The following DNAH10 variants were observed in gnomAD, a reference collection of about 807,000 sequenced individuals.
DNAH10 encodes the protein dynein axonemal heavy chain 10.
DNAH10 carries 348 observed loss-of-function variants against 506.6 expected under a neutral mutation model. That is an observed-to-expected ratio of 0.69 (90% confidence interval 0.63 to 0.75). The LOEUF (loss-of-function observed/expected upper bound fraction) is 0.75. Ranked by LOEUF, DNAH10 falls within the 30% of genes least tolerant of loss-of-function variation. DNAH10 has a pLI of 0.00. For synonymous variants in DNAH10, 2,059 were observed against 2,198.6 expected (o/e 0.94, Z 1.78); for missense variants, 5,179 against 5,787.1 (o/e 0.89, Z 3.41).
intron 72 of DNAH10, 52 bp from the exon 73 acceptor site, chr12:123,930,350 G>A (rs533472723): frequency 2.9e-4 from 424 of 1,444,412 alleles, no homozygotes; most frequent in Non-Finnish European, 3.6e-4. Flanking sequence ...CCCCCAGGGT[G>A]CACACAGTAG....
At chr12:123,880,479 A>G (rs955783520) in intron 50 of DNAH10, among the ~76,000 whole-genome samples, 2 of 151,938 alleles carry the variant, frequency 1.3e-5, no homozygotes, top group Non-Finnish European at 2.9e-5. Context: ...AGCCGGGACT[A>G]TGGGCACACA....
In DNAH10 at chr12:123,848,726, C is replaced by T. The variant is rs536036135; in HGVS notation, c.5950-4C>T. The T allele has an allele frequency of 5.6e-6, 9 of 1,613,786 alleles. No homozygotes were observed. Among genetic ancestry groups the T allele is most frequent in the Admixed American group, 1.7e-5 (1 of 59,990 alleles). ...CCCTTGTCCTGACATGTCTTTCTTC[C>T]TAGGCCGTGGGGAAGATTTTCTCTG... On this transcript the variant is annotated splice_region_variant and splice_polypyrimidine_tract_variant and intron_variant, in intron 33 of 78. Coordinates refer to ENST00000673944, the MANE Select transcript of DNAH10 (RefSeq NM_001372106.1).
rs771147329 is a variant in DNAH10, at chr12:123,926,696, C to T, written c.11981C>T (p.Ser3994Leu). Residue 3994 changes from serine to leucine, a missense_variant, in exon 69 of 79, where the codon TCG becomes TTG. By Grantham distance (145) the Ser-to-Leu change is moderately radical. Coordinates refer to ENST00000673944, the MANE Select transcript of DNAH10 (RefSeq NM_001372106.1). This position sits in a 1 kb window ranked among gnomAD's most constrained non-coding sequence, Gnocchi z 4.1. Reference protein sequence around the residue: ...EAIFEQSTPHSPIVFILSPGS... With the variant: ...EAIFEQSTPHLPIVFILSPGS... The stretch of plus-strand genomic sequence containing the variant: ...ATTTTTGAGCAGAGCACTCCACATT[C>T]GCCCATTGTGTTTATCCTGAGTCCT... The T allele has an allele frequency of 1.9e-6, 3 of 1,614,000 alleles. No individual in the cohort carries two copies. The highest frequency in any genetic ancestry group is 1.1e-5 in the South Asian group (1 of 91,082).
rs1442183219 is a variant in DNAH10, at chr12:123,813,768, C to G, written c.3636C>G (p.Asn1212Lys). The stretch of plus-strand genomic sequence containing the variant: ...TTCTGTTATAGCACCTGGCCAAAAA[C>G]CTTAGGAAGATCCCCAATACCCTTG... ...LHEEMEHLAKNLRKIPNTLED... is the reference protein window; with the variant it reads ...LHEEMEHLAKKLRKIPNTLED... The change falls in exon 21 of 79, where the codon AAC (asparagine) becomes AAG (lysine). Residue 1212 changes from asparagine to lysine, a missense_variant. This residue lies in a region of DNAH10 where 4,844 missense variants were observed against 5,430.5 expected (regional missense o/e 0.89). Transcript: ENST00000673944. 3 of 1,613,408 alleles carry G rather than the reference C, an allele frequency of 1.9e-6. No individual in the cohort carries two copies. Among genetic ancestry groups the G allele is most frequent in the Non-Finnish European group, 2.5e-6 (3 of 1,179,910 alleles).
chr12:123,841,884 C>A (rs1203494480), intron 30 of DNAH10, among the ~76,000 whole-genome samples: 1 of 152,194 alleles, frequency 6.6e-6, no homozygotes, highest in African/African-American at 2.4e-5. Context: ...GGGAGTCTCA[C>A]TGTGTTGCCC....
At chr12:123,899,262 A>G (rs1285175385) in intron 56 of DNAH10, among the ~76,000 whole-genome samples, 2 of 151,998 alleles carry the variant, frequency 1.3e-5, no homozygotes, top group Non-Finnish European at 2.9e-5. Flanking sequence ...TGTCACCTGC[A>G]CTGTCCTGCT....
At position 123,861,022 on chromosome 12, in the gene DNAH10, A is replaced by G. The variant is rs368473435; in HGVS notation, c.6760A>G (p.Thr2254Ala). ...LCQAQTKLGLTTKLYILNPKA... is the reference protein window; with the variant it reads ...LCQAQTKLGLATKLYILNPKA... ...CCTCTCTTGATTTAGGCTTGGGCTG[A>G]CGACAAAGTTGTACATCCTGAACCC... is the stretch of plus-strand genomic sequence containing the variant. Residue 2254 changes from threonine (T) to alanine (A), a missense_variant, in exon 39 of 79, where the codon ACG becomes GCG. Thr to Ala is a moderately conservative substitution (Grantham distance 58). Transcript: ENST00000673944. The G allele has an allele frequency of 1.2e-6, 2 of 1,613,878 alleles. No individual in the cohort carries two copies. Among genetic ancestry groups the G allele is most frequent in the African/African-American group, 2.7e-5 (2 of 74,918 alleles).
chr12:123,788,063 T>C, intron 10 of DNAH10, 61 bp downstream of exon 10: 1 of 1,537,294 alleles, frequency 6.5e-7, no homozygotes, highest in Non-Finnish European at 8.8e-7. Context: ...CTTTTGACAG[T>C]GGCCCCCTCC....
chr12:123,845,592 T>C lies in DNAH10; in HGVS notation c.5361-8T>C, dbSNP rs1308332740. The C allele has an allele frequency of 6.2e-7, 1 of 1,611,938 alleles. No individual in the cohort carries two copies. Among genetic ancestry groups the C allele is most frequent in the Admixed American group, 1.7e-5 (1 of 60,014 alleles). On this transcript the variant is annotated splice_region_variant and splice_polypyrimidine_tract_variant and intron_variant, in intron 30 of 78. Coordinates refer to ENST00000673944, the MANE Select transcript of DNAH10 (RefSeq NM_001372106.1). Reference sequence around the variant, plus strand: ...TCAGAGCCTCTTACAGGTGTGCGTTTTCTGCAGAGTCGACTGGATGCTCCT... The same window carrying C: ...TCAGAGCCTCTTACAGGTGTGCGTTCTCTGCAGAGTCGACTGGATGCTCCT...
rs191297482 is a variant in DNAH10, at chr12:123,907,481, C to G, written c.9816-1780C>G. On this transcript the variant is annotated intron_variant, in intron 57 of 78. Transcript: ENST00000673944. This position sits in a 1 kb window ranked among gnomAD's most constrained non-coding sequence, Gnocchi z 4.4. The stretch of plus-strand genomic sequence containing the variant: ...CCACATTTCACACACCTTGGTCATC[C>G]GGCATTGTGGAAAGTGGTATGTTCT... Among the ~76,000 whole-genome samples the G allele has an allele frequency of 5.9e-5, 9 of 152,280 alleles. No homozygotes were observed. In the South Asian group the frequency reaches 1.9e-3, roughly 32 times the overall value.
chr12:123,845,996 T>C lies in DNAH10; in HGVS notation c.5656T>C (p.Trp1886Arg). The C allele has an allele frequency of 6.2e-7, 1 of 1,613,930 alleles. No homozygotes were observed. The highest frequency in any genetic ancestry group is 8.5e-7 in the Non-Finnish European group (1 of 1,179,878). ...TATCCTGGAGGCCCGAGAGTTTGACTGGGAAAGTCAGTTGCGGTTTTATTG... is the reference window on the plus strand; with the variant it reads ...TATCCTGGAGGCCCGAGAGTTTGACCGGGAAAGTCAGTTGCGGTTTTATTG... The part of the protein sequence containing the change: ...GSILEAREFD[W>R]ESQLRFYWDR... Residue 1886 changes from tryptophan (W) to arginine (R), a missense_variant, in exon 32 of 79, where the codon TGG (tryptophan) becomes CGG (arginine). Coordinates refer to ENST00000673944, the MANE Select transcript of DNAH10 (RefSeq NM_001372106.1).
Position 123,913,401 on chromosome 12 carries a change from A to C in DNAH10, c.10352+86A>C. 414 of 1,376,484 alleles carry C rather than the reference A, an allele frequency of 3.0e-4. No homozygotes were observed. The highest frequency in any genetic ancestry group is 3.7e-4 in the Non-Finnish European group (379 of 1,029,504). 85.3% of individuals were successfully genotyped at this position (1,376,484 alleles called of 1,614,324 possible). ...TCTCGCCATGTTGATTCTTTATCTC[A>C]CGTTGTGTTTTTATGTGAAAACCAT... On this transcript the variant is annotated intron_variant, in intron 60 of 78. Transcript: ENST00000673944. This position sits in a 1 kb window ranked among gnomAD's most constrained non-coding sequence, Gnocchi z 5.1.
chr12:123,855,047 T>C (rs781561540), intron 36 of DNAH10, among the ~76,000 whole-genome samples: 1 of 152,202 alleles, frequency 6.6e-6, no homozygotes, highest in Non-Finnish European at 1.5e-5. Flanking sequence ...ATGATGTCGT[T>C]ACAATTAAGC....
chr12:123,762,354 G>T lies in DNAH10; in HGVS notation c.18G>T (p.Val6=). 7.4e-7 allele frequency: 1 copy of T among 1,355,272 alleles called. No individual in the cohort carries two copies. Among genetic ancestry groups the T allele is most frequent in the Non-Finnish European group, 9.5e-7 (1 of 1,051,386 alleles). 84.0% of individuals were successfully genotyped at this position (1,355,272 alleles called of 1,614,324 possible). ...GCGGCGCCATGGACGACCTGCGGGT[G>T]CTGTGGATGCGCGACCGCGTGTATG... MDDLR[V]LWMRDRVYAA... is the part of the protein sequence containing the mutation. Residue 6 remains valine (V), a synonymous_variant, in exon 1 of 79, where the codon GTG becomes GTT. Transcript: ENST00000673944. The surrounding 1 kb of genome is among the most constrained non-coding windows in gnomAD (Gnocchi z 5.0).
Position 123,866,127 on chromosome 12 carries a change from G to C in DNAH10, c.7167+54G>C, listed in dbSNP as rs1951794859. 2.8e-6 allele frequency: 4 copies of C among 1,428,988 alleles called. No homozygotes were observed. The African/African-American group carries it at 4.3e-5, about 15-fold the overall frequency. 88.5% of individuals were successfully genotyped at this position (1,428,988 alleles called of 1,614,324 possible). A position where few individuals can be genotyped will look rare whatever the true frequency, so the allele number is the denominator to read the frequency against. ...ATTTATTAGTATTGATGGCTAGTTG[G>C]ATAACATAGTCCAGAGGGATGTTTG... is the stretch of plus-strand genomic sequence containing the variant. On this transcript the variant is annotated intron_variant, in intron 41 of 78. Transcript: ENST00000673944.
chr12:123,828,929 T>C (rs1424241200), intron 25 of DNAH10, among the ~76,000 whole-genome samples: 1 of 152,136 alleles, frequency 6.6e-6, no homozygotes, highest in Non-Finnish European at 1.5e-5. Context: ...AGGGAATCAC[T>C]CTCTCCCAGT....
Position 123,785,590 on chromosome 12 carries a change from G to A in DNAH10, c.1231-156G>A, listed in dbSNP as rs890561720. Among the ~76,000 whole-genome samples the A allele has an allele frequency of 1.4e-5, 2 of 146,806 alleles. No individual in the cohort carries two copies. Among genetic ancestry groups the A allele is most frequent in the South Asian group, 4.3e-4 (2 of 4,676 alleles). On this transcript the variant is annotated intron_variant, in intron 8 of 78. Coordinates refer to ENST00000673944, the MANE Select transcript of DNAH10 (RefSeq NM_001372106.1). The surrounding 1 kb of genome is among the most constrained non-coding windows in gnomAD (Gnocchi z 4.1). ...GGGAGTCGAGGCTGCAGTAAGCCAT[G>A]TTTGTGCCATTGCACTCCAGCCTGG...
chr12:123,878,098 G>C (rs117730239), intron 48 of DNAH10, among the ~76,000 whole-genome samples, 190 bp downstream of exon 48: 6,287 of 152,306 alleles, frequency 0.041, 172 homozygotes, highest in Non-Finnish European at 0.061. Context: ...CCTTTGCATT[G>C]AAACAGGCAA....
rs1230805628 is a variant in DNAH10, at chr12:123,902,544, G to C, written c.9641-395G>C. Among the ~76,000 whole-genome samples, 20 of 152,184 alleles carry C rather than the reference G, an allele frequency of 1.3e-4. No individual in the cohort carries two copies. Among genetic ancestry groups the C allele is most frequent in the Admixed American group, 8.5e-4 (13 of 15,286 alleles). ...TTAGAGGGTGGCTCTGGCTGGGCCC[G>C]AGTGAGCGTAGGAAGAGGCGATGAG... On this transcript the variant is annotated intron_variant, in intron 56 of 78. Transcript: ENST00000673944. The surrounding 1 kb of genome is among the most constrained non-coding windows in gnomAD (Gnocchi z 4.5).
Sources: allele counts gnomAD v4.1 joint callset (sites outside exome capture counted in the v4.1 genomes callset), GRCh38; gene constraint gnomAD v4.1.1; regional missense constraint gnomAD v4.1.1; non-coding constraint Gnocchi (gnomAD v3.1); transcripts MANE v1.5; gene names NCBI Gene and HGNC (gene_info 2026-07-23, HGNC 2026-07-21).